Variants in PARP14 observed in about 807,000 individuals in gnomAD.
PARP14 encodes poly(ADP-ribose) polymerase family member 14.
A neutral mutation model predicts 154.2 loss-of-function variants in PARP14; 59 were observed. The observed-to-expected ratio is 0.38, with a 90% CI of 0.31 to 0.48. The LOEUF is 0.48. Ranked by LOEUF, PARP14 falls within the 20% of genes least tolerant of loss-of-function variation. PARP14 has a pLI of 0.98. For missense variants in PARP14, 1,734 were observed against 2,131.6 expected, an observed-to-expected ratio of 0.81 and a Z score of 3.67; for synonymous variants, 720 against 780.5, an observed-to-expected ratio of 0.92 and a Z score of 1.29.
chr3:122,694,278 C>G (rs1428929151), intron 4 of PARP14, among the ~76,000 whole-genome samples: 1 of 152,166 alleles, frequency 6.6e-6, no homozygotes, highest in Admixed American at 6.5e-5. Flanking sequence ...ATCTGCTTGA[C>G]ATAGATCTTT....
At chr3:122,724,160 A>G (rs183295389) in intron 15 of PARP14, among the ~76,000 whole-genome samples, 1 of 152,270 alleles carries the variant, frequency 6.6e-6, no homozygotes, top group African/African-American at 2.4e-5. Context: ...TTTTCTAAGA[A>G]GCCATGTTAC....
chr3:122,700,803 C>A lies in PARP14; in HGVS notation c.2249C>A (p.Ala750Asp), dbSNP rs1938939985. Residue 750 changes from alanine to aspartate, a missense_variant, in exon 6 of 17, where the codon GCC (alanine) becomes GAC (aspartate). By Grantham distance (126) the Ala-to-Asp change is moderately radical. Around this residue, in one of 2 missense-constraint regions of PARP14, gnomAD observed 1,646 missense variants for 1,976.0 expected, o/e 0.83. Coordinates refer to ENST00000474629, the MANE Select transcript of PARP14 (RefSeq NM_017554.3). ...AGTGTCCATACTGATAAGCCAGGAG[C>A]CAAGCAGTTCTTCCAGGATAAAGCA... ...VKSVHTDKPG[A>D]KQFFQDKARF... The A allele has an allele frequency of 6.2e-7, 1 of 1,613,720 alleles. No homozygotes were observed. Among genetic ancestry groups the A allele is most frequent in the Non-Finnish European group, 8.5e-7 (1 of 1,179,750 alleles).
intron 11 of PARP14, among the ~76,000 whole-genome samples, 160 bp downstream of exon 11, chr3:122,714,094 C>A (rs1018214734): frequency 1.3e-5 from 2 of 151,924 alleles, no homozygotes; most frequent in African/African-American, 4.8e-5. Flanking sequence ...GAAAAGTAAT[C>A]TCACAGTTAA....
intron 8 of PARP14, among the ~76,000 whole-genome samples, chr3:122,707,525 C>A (rs1939197759): frequency 6.6e-6 from 1 of 152,116 alleles, no homozygotes; most frequent in African/African-American, 2.4e-5. Context: ...TTAATCCCTG[C>A]ACTTTGGGAG....
chr3:122,704,483 C>T (rs769927403), intron 7 of PARP14, 44 bp from the exon 8 acceptor site: 2 of 1,239,056 alleles, frequency 1.6e-6, no homozygotes, highest in Admixed American at 4.2e-5. Flanking sequence ...TTCTAACTCC[C>T]ATTTCTAGAC....
chr3:122,682,464 G>A (rs967070639), intron 1 of PARP14, among the ~76,000 whole-genome samples: 1 of 152,162 alleles, frequency 6.6e-6, no homozygotes, highest in African/African-American at 2.4e-5. Context: ...GGCAGCCCAG[G>A]TGACCCTAAT....
intron 3 of PARP14, among the ~76,000 whole-genome samples, chr3:122,688,226 C>A (rs1357182244): frequency 6.6e-6 from 1 of 152,122 alleles, no homozygotes; most frequent in African/African-American, 2.4e-5. Context: ...GCTATACCGT[C>A]AAGCTCAACT....
intron 3 of PARP14, among the ~76,000 whole-genome samples, chr3:122,688,950 T>C (rs977221949): frequency 6.6e-6 from 1 of 152,296 alleles, no homozygotes; most frequent in East Asian, 1.9e-4. Context: ...ACTGAGCTAA[T>C]GTCCTGTTCC....
chr3:122,724,904 C>T (rs1272173954), intron 15 of PARP14, among the ~76,000 whole-genome samples: 1 of 152,036 alleles, frequency 6.6e-6, no homozygotes, highest in South Asian at 2.1e-4. Flanking sequence ...CATCTTGCAC[C>T]GCCCTTAATC....
chr3:122,725,395 C>T (rs1023885633), intron 15 of PARP14, among the ~76,000 whole-genome samples: 1 of 149,788 alleles, frequency 6.7e-6, no homozygotes, highest in African/African-American at 2.5e-5. Flanking sequence ...GGCAAAGGTG[C>T]TCCCCACCTC....
chr3:122,710,796 TTTATTTA>T (rs1560073387), intron 9 of PARP14, among the ~76,000 whole-genome samples: 10 of 23,964 alleles, frequency 4.2e-4, no homozygotes, highest in African/African-American at 9.6e-4. Context: ...AGGTATTTTA[TTTATTTA>T]TTTATTTATT....
At chr3:122,697,980 C>G (rs868573792) in intron 5 of PARP14, among the ~76,000 whole-genome samples, 1 of 152,176 alleles carries the variant, frequency 6.6e-6, no homozygotes, top group Non-Finnish European at 1.5e-5. Context: ...CCTCTGTGTT[C>G]TTATCTGTAA....
chr3:122,720,232 A>G (rs751638378), intron 14 of PARP14, 23 bp from the exon 15 acceptor site: 16 of 1,609,126 alleles, frequency 9.9e-6, no homozygotes, highest in Non-Finnish European at 1.4e-5. Context: ...GTATGAGGGC[A>G]TCCTCAAATG....
chr3:122,685,206 G>GA lies in PARP14; in HGVS notation c.215dup (p.Asn72LysfsTer3). 2 of 1,613,872 alleles carry GA rather than the reference G, an allele frequency of 1.2e-6. No homozygotes were observed. Among genetic ancestry groups the GA allele is most frequent in the South Asian group, 1.1e-5 (1 of 91,076 alleles). ...TCAGTTCGGCAGAAGGTTCTGGAGA[G>GA]AAAAAATCATGAGTTGGTATGGCAA... On this transcript the variant is annotated frameshift_variant, in exon 2 of 17. Transcript: ENST00000474629. LOFTEE classifies it high-confidence loss of function.
chr3:122,713,042 C>T (rs559271303), intron 9 of PARP14, among the ~76,000 whole-genome samples: 1 of 152,298 alleles, frequency 6.6e-6, no homozygotes, highest in Admixed American at 6.5e-5. Context: ...TGGAAAACTG[C>T]CCCACTTAGC....
In PARP14 at chr3:122,681,086, G is replaced by T. The variant is rs1165905890; in HGVS notation, c.187+16G>T. ...CCGGAGGACGGTGAGGGGCGCGAGG[G>T]GTGGGGTGAGGAGGGGGCACCTCTG... On this transcript the variant is annotated intron_variant, in intron 1 of 16. Coordinates refer to ENST00000474629, the MANE Select transcript of PARP14 (RefSeq NM_017554.3). The surrounding 1 kb of genome is among the most constrained non-coding windows in gnomAD (Gnocchi z 5.5). 2 of 1,600,572 alleles carry T rather than the reference G, an allele frequency of 1.2e-6. No individual in the cohort carries two copies. The highest frequency in any genetic ancestry group is 1.7e-6 in the Non-Finnish European group (2 of 1,168,568).
In PARP14 at chr3:122,703,920, G is replaced by A. The variant is rs771242017; in HGVS notation, c.3260G>A (p.Arg1087His). The A allele has an allele frequency of 6.8e-6, 11 of 1,613,872 alleles. No individual in the cohort carries two copies. In the East Asian group the frequency reaches 1.1e-4, roughly 16 times the overall value. Residue 1087 changes from arginine to histidine, a missense_variant, in exon 7 of 17, where the codon CGC becomes CAC. Arg to His is a conservative substitution (Grantham distance 29, BLOSUM62 0). Coordinates refer to ENST00000474629, the MANE Select transcript of PARP14 (RefSeq NM_017554.3). The part of the protein sequence containing the change: ...LKTSSWNLDC[R>H]YVLHVVAPEW... ...ACCAGCAGCTGGAATCTGGACTGTC[G>A]CTATGTGCTTCACGTGGTAGCTCCG... is the stretch of plus-strand genomic sequence containing the variant.
At chr3:122,695,788 A>G (rs1293300428) in intron 5 of PARP14, 126 bp downstream of exon 5, 10 of 602,396 alleles carry the variant, frequency 1.7e-5, no homozygotes, top group Admixed American at 5.9e-5. Flanking sequence ...AATTGAATAA[A>G]TAATCCTGTT....
At position 122,695,554 on chromosome 3, in the gene PARP14, A is replaced by C; in HGVS notation, c.727A>C (p.Ser243Arg). 6.2e-7 allele frequency: 1 copy of C among 1,608,816 alleles called. No individual in the cohort carries two copies. The highest frequency in any genetic ancestry group is 8.5e-7 in the Non-Finnish European group (1 of 1,175,690). The change falls in exon 5 of 17, where the codon AGT becomes CGT. Residue 243 changes from serine (S) to arginine (R), a missense_variant. Coordinates refer to ENST00000474629, the MANE Select transcript of PARP14 (RefSeq NM_017554.3). ...CCTGCCACCTGGTGCTGATGACTAC[A>C]GTTTAAAACTTTTCTTTGAAAATCC... The part of the protein sequence containing the change: ...ENLPPGADDY[S>R]LKLFFENPYN...
Sources: allele counts gnomAD v4.1 joint callset (sites outside exome capture counted in the v4.1 genomes callset), GRCh38; gene constraint gnomAD v4.1.1; regional missense constraint gnomAD v4.1.1; non-coding constraint Gnocchi (gnomAD v3.1); transcripts MANE v1.5; gene names NCBI Gene and HGNC (gene_info 2026-07-23, HGNC 2026-07-21).